PDZD2: variants seen among roughly 807,000 people sequenced by gnomAD.
PDZD2 encodes PDZ domain containing 2, also known as PDZ domain-containing protein 2.
A neutral mutation model predicts 220.7 loss-of-function variants in PDZD2; 90 were observed. That is an observed-to-expected ratio of 0.41 (90% CI 0.34 to 0.49). PDZD2 has a LOEUF of 0.49. Among genes scored for constraint, PDZD2 ranks in the 20% least tolerant of loss-of-function variants. The pLI is 0.28. For missense variants in PDZD2, 3,174 were observed against 3,608.5 expected (o/e 0.88, Z 3.08); for synonymous variants, 1,375 against 1,450.5 (o/e 0.95, Z 1.18).
At chr5:31,928,161 G>A (rs908305435) in intron 2 of PDZD2, among the ~76,000 whole-genome samples, 3 of 152,174 alleles carry the variant, frequency 2.0e-5, no homozygotes, top group Admixed American at 1.3e-4. Flanking sequence ...GAGTGCTTGA[G>A]TATTTCACAA....
At position 32,057,595 on chromosome 5, in the gene PDZD2, CAGTTAAATTCCAGGAA is replaced by C. The variant is rs1739207297; in HGVS notation, c.1901-58_1901-43del. On this transcript the variant is annotated intron_variant, in intron 10 of 24. Coordinates refer to ENST00000438447, the MANE Select transcript of PDZD2 (RefSeq NM_178140.4). ...GTATCCCAAAATAAGTCTGACTGAG[CAGTTAAATTCCAGGAA>C]ATTAAAGGCTAATGTTAATGTAATT... The C allele has an allele frequency of 4.0e-5, 38 of 940,760 alleles. 1 individual carries two copies. In the South Asian group the frequency reaches 5.2e-4, roughly 13 times the overall value. The allele number at this position is 940,760 out of a possible 1,614,324, so 58.3% of individuals were successfully genotyped here.
In PDZD2 at chr5:32,089,785, G is replaced by A. The variant is rs776934676; in HGVS notation, c.6337G>A (p.Asp2113Asn). ...ATGTGGTAACAAGCCAGCTGAAAGC[G>A]ACAGACGGGGAGGGTGCTTGGCCCA... ...TVCGNKPAES[D>N]RRGGCLAQGN... Residue 2113 changes from aspartate (D) to asparagine (N), a missense_variant, in exon 20 of 25, where the codon GAC (aspartate) becomes AAC (asparagine). By Grantham distance (23) the Asp-to-Asn change is conservative. This residue lies in a region of PDZD2 where 1,861 missense variants were observed against 2,001.0 expected (regional missense o/e 0.93). Transcript: ENST00000438447. 19 of 1,614,196 alleles carry A rather than the reference G, an allele frequency of 1.2e-5. No homozygotes were observed. The highest frequency in any genetic ancestry group is 2.2e-5 in the South Asian group (2 of 91,080).
chr5:31,752,068 G>GTTTTTTTTTTGTTTTTTTTT (rs1251840861), intron 1 of PDZD2, among the ~76,000 whole-genome samples: 1 of 95,918 alleles, frequency 1.0e-5, no homozygotes, highest in African/African-American at 4.5e-5. Flanking sequence ...TATTGTTTTG[G>GTTTTTTTTTTGTTTTTTTTT]GTTTGTTTTT....
rs959446415 is a variant in PDZD2 at position 32,087,040 on chromosome 5, A to G, written c.3683-91A>G. On this transcript the variant is annotated intron_variant, in intron 19 of 24. Coordinates refer to ENST00000438447, the MANE Select transcript of PDZD2 (RefSeq NM_178140.4). This position sits in a 1 kb window ranked among gnomAD's most constrained non-coding sequence, Gnocchi z 4.0. ...GTTGTTTATAATTTTCTAGTTTTTA[A>G]TAATTGAGGGGCTGCTTTCTTATAT... 2.5e-5 allele frequency: 18 copies of G among 725,364 alleles called. No individual in the cohort carries two copies. In the South Asian group the frequency reaches 3.8e-4, roughly 15 times the overall value. The allele number at this position is 725,364 out of a possible 1,614,324, so 44.9% of individuals were successfully genotyped here. A position where few individuals can be genotyped will look rare whatever the true frequency, so the allele number is the denominator to read the frequency against.
chr5:31,728,148 CTTTG>C (rs930717707), intron 1 of PDZD2, among the ~76,000 whole-genome samples: 1 of 151,890 alleles, frequency 6.6e-6, no homozygotes, highest in African/African-American at 2.4e-5. Flanking sequence ...TGGGGTGATT[CTTTG>C]TTTGGCTGGG....
chr5:31,757,270 A>G (rs1751353089), intron 1 of PDZD2, among the ~76,000 whole-genome samples: 1 of 152,082 alleles, frequency 6.6e-6, no homozygotes, highest in African/African-American at 2.4e-5. Flanking sequence ...TGGATGACAG[A>G]TGAGTCCTCT....
At chr5:31,969,276 G>A (rs909174775) in intron 2 of PDZD2, among the ~76,000 whole-genome samples, 3 of 152,062 alleles carry the variant, frequency 2.0e-5, no homozygotes, top group African/African-American at 7.2e-5. Context: ...AGAGGCTGAG[G>A]TGGGCAGATC....
At chr5:31,884,259 A>ACATACATACATACATACATCCATC (rs923352259) in intron 2 of PDZD2, among the ~76,000 whole-genome samples, 1 of 151,562 alleles carries the variant, frequency 6.6e-6, no homozygotes, top group African/African-American at 2.4e-5. Context: ...ATACATACAT[A>ACATACATACATACATACATCCATC]CATCCTGGGT....
chr5:31,839,075 C>G (rs1757115733), intron 2 of PDZD2, among the ~76,000 whole-genome samples: 1 of 152,196 alleles, frequency 6.6e-6, no homozygotes, highest in Non-Finnish European at 1.5e-5. Flanking sequence ...AGGTTGCCCT[C>G]TCCTGCCATC....
chr5:31,950,957 G>C (rs952658754), intron 2 of PDZD2, among the ~76,000 whole-genome samples: 2 of 152,174 alleles, frequency 1.3e-5, no homozygotes, highest in Non-Finnish European at 2.9e-5. Context: ...CAAGATCAAG[G>C]CACCGGCAGA....
At position 31,776,820 on chromosome 5, in the gene PDZD2, A is replaced by ATT. The variant is rs35551016; in HGVS notation, c.-360-22060_-360-22059dup. ...CACGCCACCCTACCCTGCTTGGTTA[A>ATT]TTTTTTTTTTGTATTCTTGGTAGAG... On this transcript the variant is annotated intron_variant, in intron 1 of 24. Coordinates refer to ENST00000438447, the MANE Select transcript of PDZD2 (RefSeq NM_178140.4). Among the ~76,000 whole-genome samples the ATT allele has an allele frequency of 2.1e-3, 307 of 142,982 alleles. 1 individual carries two copies. Among genetic ancestry groups the ATT allele is most frequent in the African/African-American group, 3.0e-3 (117 of 38,804 alleles). The allele number at this position is 142,982 out of a possible 152,430, so 93.8% of individuals were successfully genotyped here.
At chr5:31,854,995 C>G (rs1397716931) in intron 2 of PDZD2, 1 of 985,312 alleles carries the variant, frequency 1.0e-6, no homozygotes, top group African/African-American at 1.7e-5. Flanking sequence ...TCCAGGAGGG[C>G]AGCTGGCAGC....
chr5:31,962,515 C>T (rs1484445963), intron 2 of PDZD2, among the ~76,000 whole-genome samples: 3 of 152,146 alleles, frequency 2.0e-5, no homozygotes, highest in Non-Finnish European at 2.9e-5. Flanking sequence ...GCAAGAACCC[C>T]GTGGTTGAGT....
intron 1 of PDZD2, among the ~76,000 whole-genome samples, chr5:31,747,140 A>C (rs1481522827): frequency 6.6e-6 from 1 of 152,176 alleles, no homozygotes; most frequent in African/African-American, 2.4e-5. Flanking sequence ...GCACCATTGC[A>C]CTCCAGCCTG....
intron 2 of PDZD2, among the ~76,000 whole-genome samples, chr5:31,920,816 C>T (rs189973815): frequency 3.3e-5 from 5 of 152,272 alleles, no homozygotes; most frequent in East Asian, 1.9e-4. Context: ...GATCTTCTTA[C>T]TGTCTCCATA....
chr5:31,668,774 T>C (rs1455736341), intron 1 of PDZD2, among the ~76,000 whole-genome samples: 1 of 152,204 alleles, frequency 6.6e-6, no homozygotes, highest in Non-Finnish European at 1.5e-5. Flanking sequence ...AGGGCCTGCT[T>C]TTTAATGAAG....
rs201079619 is a variant in PDZD2, at chr5:31,650,245, A to G, written c.-361+10808A>G. On this transcript the variant is annotated intron_variant, in intron 1 of 24. Transcript: ENST00000438447. Reference sequence around the variant, plus strand: ...GTCAAGCACTTAAAGCATTTCAGGCACTGTTCCCAGTTATCCTTATTTTTC... The same window carrying G: ...GTCAAGCACTTAAAGCATTTCAGGCGCTGTTCCCAGTTATCCTTATTTTTC... 3.3e-5 allele frequency among the ~76,000 whole-genome samples: 5 copies of G among 152,180 alleles called. No individual in the cohort carries two copies. In the East Asian group the frequency reaches 9.7e-4, roughly 29 times the overall value.
chr5:31,699,519 C>A (rs558642960), intron 1 of PDZD2, among the ~76,000 whole-genome samples: 1 of 152,066 alleles, frequency 6.6e-6, no homozygotes, highest in Non-Finnish European at 1.5e-5. Flanking sequence ...GAGGCTGAAG[C>A]AGGTGGATCA....
At chr5:31,908,832 C>A in intron 2 of PDZD2, 1 of 572,490 alleles carries the variant, frequency 1.7e-6, no homozygotes, top group South Asian at 1.6e-5. Flanking sequence ...ATCACTTGAG[C>A]TCAGGAGTTT....
Sources: gnomAD v4.1 joint callset for allele counts (sites outside exome capture counted in the v4.1 genomes callset) on GRCh38, gnomAD v4.1.1 for gene constraint, gnomAD v4.1.1 regional missense constraint, Gnocchi (gnomAD v3.1) non-coding constraint, MANE v1.5 for transcripts, NCBI Gene and HGNC (gene_info 2026-07-23, HGNC 2026-07-21) for gene names.